Variants in GRM5 observed in about 807,000 individuals in gnomAD.
GRM5 encodes the protein metabotropic glutamate receptor 5.
GRM5 carries 19 observed loss-of-function variants against 83.1 expected under a neutral mutation model. The ratio of observed to expected loss-of-function variants is 0.23; its 90% CI spans 0.16 to 0.34. The LOEUF (loss-of-function observed/expected upper bound fraction) is 0.34. Ranked by LOEUF, GRM5 falls within the 10% of genes least tolerant of loss-of-function variation. The pLI is 1.00. For synonymous variants in GRM5, 675 were observed against 633.6 expected, an observed-to-expected ratio of 1.07 and a Z score of -0.98; for missense variants, 1,160 against 1,588.3, an observed-to-expected ratio of 0.73 and a Z score of 4.58.
At chr11:88,858,138 T>C (rs756197304) in intron 2 of GRM5, among the ~76,000 whole-genome samples, 5 of 150,924 alleles carry the variant, frequency 3.3e-5, no homozygotes, top group Non-Finnish European at 7.4e-5. Flanking sequence ...CATTATTGAA[T>C]CTCATCCAAG....
intron 7 of GRM5, among the ~76,000 whole-genome samples, chr11:88,588,524 C>T (rs1426268358): frequency 2.6e-5 from 4 of 152,088 alleles, no homozygotes; most frequent in Non-Finnish European, 5.9e-5. Flanking sequence ...GATGAGAACA[C>T]CTCTTCTGAC....
intron 3 of GRM5, among the ~76,000 whole-genome samples, chr11:88,843,220 T>C (rs751618821): frequency 1.6e-4 from 24 of 152,214 alleles, no homozygotes; most frequent in Non-Finnish European, 2.8e-4. Context: ...TCAAACTTTT[T>C]CATTATTATT....
At chr11:88,753,536 C>T (rs1174525029) in intron 3 of GRM5, among the ~76,000 whole-genome samples, 1 of 151,998 alleles carries the variant, frequency 6.6e-6, no homozygotes, top group African/African-American at 2.4e-5. Flanking sequence ...GACCTAGAGG[C>T]AGAAATATCA....
rs1591437282 is a variant in GRM5, at chr11:88,682,202, G to A, written c.912-28799C>T. On this transcript the variant is annotated intron_variant, in intron 3 of 9. Transcript: ENST00000305447. ...TGATTCTGAAATTTATTGTATCCAG[G>A]CCAGACCTCTCTGCTTGAGCTCCAG... Among the ~76,000 whole-genome samples, 4 of 152,032 alleles carry A rather than the reference G, an allele frequency of 2.6e-5. No homozygotes were observed. In the East Asian group the frequency reaches 7.7e-4, roughly 29 times the overall value.
intron 3 of GRM5, among the ~76,000 whole-genome samples, chr11:88,666,573 A>G (rs1230954685): frequency 6.6e-6 from 1 of 152,206 alleles, no homozygotes; most frequent in Non-Finnish European, 1.5e-5. Flanking sequence ...ACAACATCAC[A>G]GGGGGGATCA....
intron 3 of GRM5, among the ~76,000 whole-genome samples, chr11:88,758,561 C>A (rs963321882): frequency 6.6e-6 from 1 of 152,024 alleles, no homozygotes; most frequent in Non-Finnish European, 1.5e-5. Flanking sequence ...TAAAAAGGAA[C>A]AAACAAAACT....
At chr11:88,966,818 C>T (rs1429928648) in intron 2 of GRM5, among the ~76,000 whole-genome samples, 1 of 152,076 alleles carries the variant, frequency 6.6e-6, no homozygotes, top group African/African-American at 2.4e-5. Context: ...GATTGGCTGA[C>T]CAAGGCGCAT....
intron 2 of GRM5, among the ~76,000 whole-genome samples, chr11:88,952,125 AACAC>A (rs57780254): frequency 0.84 from 127,702 of 151,184 alleles, 56,643 homozygotes; most frequent in Non-Finnish European, 0.97. Context: ...CATACAAACA[AACAC>A]ACACACACAC....
intron 2 of GRM5, among the ~76,000 whole-genome samples, chr11:89,005,847 C>A (rs1397365371): frequency 6.6e-6 from 1 of 152,092 alleles, no homozygotes; most frequent in Non-Finnish European, 1.5e-5. Flanking sequence ...TGCTCACCTA[C>A]CATATTGTTG....
intron 2 of GRM5, among the ~76,000 whole-genome samples, chr11:88,935,527 A>G (rs1937863256): frequency 6.6e-6 from 1 of 151,972 alleles, no homozygotes; most frequent in South Asian, 2.1e-4. Flanking sequence ...TAATATGAGC[A>G]ACTGTGATTC....
chr11:88,844,252 C>T (rs1319806850), intron 3 of GRM5, among the ~76,000 whole-genome samples: 1 of 151,880 alleles, frequency 6.6e-6, no homozygotes, highest in Non-Finnish European at 1.5e-5. Flanking sequence ...AATTATGTTA[C>T]ATGTATTACT....
At chr11:88,970,878 G>A (rs1939146690) in intron 2 of GRM5, among the ~76,000 whole-genome samples, 1 of 152,146 alleles carries the variant, frequency 6.6e-6, no homozygotes, top group Non-Finnish European at 1.5e-5. Context: ...TTTTGGGGTT[G>A]TGCTTTCTAA....
At chr11:88,886,055 C>G (rs1489577177) in intron 2 of GRM5, among the ~76,000 whole-genome samples, 2 of 152,294 alleles carry the variant, frequency 1.3e-5, no homozygotes, top group Middle Eastern at 3.4e-3. Flanking sequence ...CTGATCAAAC[C>G]AATCTATGAG....
intron 3 of GRM5, among the ~76,000 whole-genome samples, chr11:88,705,457 T>C (rs1049762375): frequency 1.3e-5 from 2 of 152,106 alleles, no homozygotes; most frequent in Admixed American, 6.6e-5. Flanking sequence ...GAAGTATCAC[T>C]GTTTTGAAGG....
chr11:88,642,369 C>T (rs1449365530), intron 4 of GRM5, among the ~76,000 whole-genome samples: 1 of 152,142 alleles, frequency 6.6e-6, no homozygotes, highest in African/African-American at 2.4e-5. Flanking sequence ...GCAGCTGCCA[C>T]AAGGGTCTCT....
chr11:88,928,671 C>T (rs1454546741), intron 2 of GRM5, among the ~76,000 whole-genome samples: 4 of 151,774 alleles, frequency 2.6e-5, no homozygotes, highest in African/African-American at 9.7e-5. Flanking sequence ...ATTGGAAGGA[C>T]TAGTTCAAAC....
rs143889892 is a variant in GRM5, at chr11:88,531,422, A to G, written c.2631-6018T>C. Among the ~76,000 whole-genome samples, 11 of 152,236 alleles carry G rather than the reference A, an allele frequency of 7.2e-5. No individual in the cohort carries two copies. The East Asian group carries it at 2.1e-3, about 29-fold the overall frequency. ...GATGAAGCAAAGAGCAATATATAGA[A>G]GTAGAATTTACAAATGTGCTACAAC... On this transcript the variant is annotated intron_variant, in intron 8 of 9. Coordinates refer to ENST00000305447, the MANE Select transcript of GRM5 (RefSeq NM_001143831.3).
chr11:88,608,514 A>ATTTTTTTTTTTTTTTTTTTT, intron 4 of GRM5, among the ~76,000 whole-genome samples: 1 of 98,644 alleles, frequency 1.0e-5, no homozygotes, highest in Non-Finnish European at 2.0e-5. Context: ...GAAAACAGGG[A>ATTTTTTTTTTTTTTTTTTTT]TTTTTTTTTT....
chr11:88,988,130 T>C (rs966253510), intron 2 of GRM5, among the ~76,000 whole-genome samples: 1 of 149,124 alleles, frequency 6.7e-6, no homozygotes, highest in Non-Finnish European at 1.5e-5. Flanking sequence ...TAGAAGAATG[T>C]ATAACTAGAA....
Sources: allele counts gnomAD v4.1 joint callset (sites outside exome capture counted in the v4.1 genomes callset), GRCh38; gene constraint gnomAD v4.1.1; transcripts MANE v1.5; gene names NCBI Gene and HGNC (gene_info 2026-07-23, HGNC 2026-07-21).